EIF6: variants seen among roughly 807,000 people sequenced by gnomAD.
The protein encoded by EIF6 is eukaryotic translation initiation factor 6.
In EIF6, 10 loss-of-function variants were observed where a neutral mutation model predicts 25.5. The ratio of observed to expected loss-of-function variants is 0.39; its 90% CI spans 0.24 to 0.66. The LOEUF is 0.66. Ranked by LOEUF, EIF6 falls within the 30% of genes least tolerant of loss-of-function variation. The probability of loss-of-function intolerance (pLI) is 0.45; values close to 1 mark genes in which losing one functional copy is unlikely to be tolerated. For missense variants in EIF6, 246 were observed against 315.4 expected (o/e 0.78, Z 1.67); for synonymous variants, 122 against 122.6 (o/e 1.00, Z 0.03).
At chr20:35,281,391 A>C (rs1294281569) in intron 3 of EIF6, among the ~76,000 whole-genome samples, 7 of 151,562 alleles carry the variant, frequency 4.6e-5, no homozygotes, top group East Asian at 1.9e-4. Context: ...GTCTCCAAAA[A>C]AAAAAAACAA....
At chr20:35,284,286 G>A in intron 2 of EIF6, 25 bp from the exon 3 acceptor site, 2 of 1,613,850 alleles carry the variant, frequency 1.2e-6, no homozygotes, top group Non-Finnish European at 1.7e-6. Context: ...ACTCGGTGGT[G>A]GCGGGGCAGA....
chr20:35,282,598 G>T (rs992045349), intron 3 of EIF6, among the ~76,000 whole-genome samples: 9 of 151,294 alleles, frequency 5.9e-5, no homozygotes, highest in Non-Finnish European at 1.2e-4. Flanking sequence ...TGTTGTTGTT[G>T]TTTTTTGTTT....
Position 35,284,216 on chromosome 20 carries a change from C to G in EIF6, c.153G>C (p.Ala51=). 6.2e-7 allele frequency: 1 copy of G among 1,604,960 alleles called. No individual in the cohort carries two copies. Among genetic ancestry groups the G allele is most frequent in the Non-Finnish European group, 8.5e-7 (1 of 1,174,940 alleles). The change falls in exon 3 of 7, where the codon GCG becomes GCC. Residue 51 remains alanine (A), a synonymous_variant. Transcript: ENST00000374450. The part of the protein sequence containing the change: ...ELSDTIPVVH[A]SIAGCRIIGR... ...CGATGATGCGGCAGCCGGCGATAGA[C>G]GCGTGCACCACGGGGATGGTATCGG...
At chr20:35,281,219 T>C (rs1420550396) in intron 3 of EIF6, among the ~76,000 whole-genome samples, 1 of 151,878 alleles carries the variant, frequency 6.6e-6, no homozygotes, top group African/African-American at 2.4e-5. Context: ...ACCCCGTCTC[T>C]ACTAAAAATA....
chr20:35,280,729 C>T lies in EIF6; in HGVS notation c.294G>A (p.Glu98=). 1 of 1,613,990 alleles carries T rather than the reference C, an allele frequency of 6.2e-7. No individual in the cohort carries two copies. ...CATTGCCCAAGGCTGAGAGCCGCTC[C>T]TCCACCCGCCTAATCTGCACTGTGT... The part of the protein sequence containing the change: ...LPDTVQIRRV[E]ERLSALGNVT... Residue 98 remains glutamate, a synonymous_variant, in exon 4 of 7, where the codon GAG becomes GAA. Coordinates refer to ENST00000374450, the MANE Select transcript of EIF6 (RefSeq NM_002212.4).
chr20:35,283,433 A>C (rs2060793635), intron 3 of EIF6, among the ~76,000 whole-genome samples: 1 of 152,232 alleles, frequency 6.6e-6, no homozygotes, highest in Non-Finnish European at 1.5e-5. Flanking sequence ...ATCTTAGCTA[A>C]TCTTTACAGA....
At chr20:35,282,047 G>A (rs1311778805) in intron 3 of EIF6, among the ~76,000 whole-genome samples, 3 of 149,720 alleles carry the variant, frequency 2.0e-5, no homozygotes, top group Non-Finnish European at 4.4e-5. Context: ...GGAGTGCAGT[G>A]GCACAATCTC....
rs1802242 is a variant in EIF6 at position 35,279,147 on chromosome 20, G to A, written c.*50C>T. The A allele has an allele frequency of 1.9e-6, 3 of 1,612,836 alleles. No individual in the cohort carries two copies. The highest frequency in any genetic ancestry group is 2.2e-5 in the East Asian group (1 of 44,834). On this transcript the variant is annotated 3_prime_UTR_variant, in exon 7 of 7. Transcript: ENST00000374450. ...ACAGATTGGGCGGAATGTGGAGAAG[G>A]TTGGCCACAGTCCAGAGCCAGGAGC...
intron 3 of EIF6, among the ~76,000 whole-genome samples, chr20:35,283,635 AC>A: frequency 6.6e-6 from 1 of 152,212 alleles, no homozygotes; most frequent in East Asian, 1.9e-4. Flanking sequence ...CCGCGTCTCT[AC>A]CAAAAATGTA....
chr20:35,283,125 C>G (rs56372598), intron 3 of EIF6, among the ~76,000 whole-genome samples: 2 of 151,876 alleles, frequency 1.3e-5, no homozygotes, highest in Non-Finnish European at 1.5e-5. Flanking sequence ...AACTCCATCT[C>G]TACTAAAAAT....
rs765387182 is a variant in EIF6, at chr20:35,280,677, A to C, written c.346T>G (p.Leu116Val). Residue 116 changes from leucine (L) to valine (V), a missense_variant, in exon 4 of 7, where the codon TTG (leucine) becomes GTG (valine). Leu to Val is a conservative substitution (Grantham distance 32). Coordinates refer to ENST00000374450, the MANE Select transcript of EIF6 (RefSeq NM_002212.4). ...ACCCTGTCCAAGTCTGGGTGGACCAAGGCCACGTAGTCATTGCAGGTGGTG... is the reference window on the plus strand; with the variant it reads ...ACCCTGTCCAAGTCTGGGTGGACCACGGCCACGTAGTCATTGCAGGTGGTG... ...NVTTCNDYVA[L>V]VHPDLDRETE... is the part of the protein sequence containing the mutation. 3.1e-6 allele frequency: 5 copies of C among 1,613,512 alleles called. No homozygotes were observed. The highest frequency in any genetic ancestry group is 4.5e-5 in the East Asian group (2 of 44,904).
intron 3 of EIF6, 123 bp downstream of exon 3, chr20:35,284,053 A>G: frequency 7.9e-7 from 1 of 1,262,604 alleles, no homozygotes; most frequent in Non-Finnish European, 1.1e-6. Context: ...GAGAGATTCT[A>G]TAGTGCCCAG....
At position 35,284,275 on chromosome 20, in the gene EIF6, G is replaced by A. The variant is rs1433643388; in HGVS notation, c.108-14C>T. ...CCCTCGAACACACTGTAGGGACATG[G>A]ACTCGGTGGTGGCGGGGCAGAGGGG... On this transcript the variant is annotated splice_polypyrimidine_tract_variant and intron_variant, in intron 2 of 6. Transcript: ENST00000374450. 6 of 1,613,826 alleles carry A rather than the reference G, an allele frequency of 3.7e-6. No individual in the cohort carries two copies. Among genetic ancestry groups the A allele is most frequent in the Non-Finnish European group, 5.1e-6 (6 of 1,180,012 alleles).
intron 5 of EIF6, 26 bp from the exon 6 acceptor site, chr20:35,279,773 G>A: frequency 1.2e-6 from 2 of 1,612,068 alleles, no homozygotes; most frequent in African/African-American, 2.7e-5. Flanking sequence ...CTCAATGTGA[G>A]TCACGGCACC....
Position 35,279,700 on chromosome 20 carries a change from C to T in EIF6, c.594G>A (p.Val198=). 4 of 1,614,182 alleles carry T rather than the reference C, an allele frequency of 2.5e-6. No individual in the cohort carries two copies. The highest frequency in any genetic ancestry group is 3.4e-6 in the Non-Finnish European group (4 of 1,180,040). ...RGSEVIAAGM[V]VNDWCAFCGL... ...CACAGAAGGCACACCAGTCATTCAC[C>T]ACCATCCCAGCAGCAATCACCTCAC... is the stretch of plus-strand genomic sequence containing the variant. Residue 198 remains valine, a synonymous_variant, in exon 6 of 7, where the codon GTG becomes GTA. Coordinates refer to ENST00000374450, the MANE Select transcript of EIF6 (RefSeq NM_002212.4).
At position 35,284,194 on chromosome 20, in the gene EIF6, T is replaced by C. The variant is rs779961867; in HGVS notation, c.175A>G (p.Ile59Val). ...VHASIAGCRI[I>V]GRMCVGNRHG... is the part of the protein sequence containing the mutation. ...GCCTTACCCACACACATGCGCCCGA[T>C]GATGCGGCAGCCGGCGATAGACGCG... The change falls in exon 3 of 7, where the codon ATC (isoleucine) becomes GTC (valine). Residue 59 changes from isoleucine to valine, a missense_variant. Ile to Val is a conservative substitution (Grantham distance 29). Coordinates refer to ENST00000374450, the MANE Select transcript of EIF6 (RefSeq NM_002212.4). 11 of 1,597,230 alleles carry C rather than the reference T, an allele frequency of 6.9e-6. No individual in the cohort carries two copies. The African/African-American group carries it at 1.3e-4, about 19-fold the overall frequency.
rs1461633407 is a variant in EIF6 at position 35,279,113 on chromosome 20, G to C, written c.*84C>G. 1 of 1,579,642 alleles carries C rather than the reference G, an allele frequency of 6.3e-7. No individual in the cohort carries two copies. ...TGAGCTCTCTGCCACCTCCCTGCCAGCATCCGGTACAGATTGGGCGGAATG... is the reference window on the plus strand; with the variant it reads ...TGAGCTCTCTGCCACCTCCCTGCCACCATCCGGTACAGATTGGGCGGAATG... On this transcript the variant is annotated 3_prime_UTR_variant, in exon 7 of 7. Coordinates refer to ENST00000374450, the MANE Select transcript of EIF6 (RefSeq NM_002212.4).
intron 3 of EIF6, among the ~76,000 whole-genome samples, chr20:35,283,852 T>C (rs1209069704): frequency 6.6e-6 from 1 of 151,794 alleles, no homozygotes; most frequent in East Asian, 1.9e-4. Flanking sequence ...GAACTAGGTG[T>C]GGAACTTACT....
At chr20:35,281,293 G>A (rs2060772921) in intron 3 of EIF6, among the ~76,000 whole-genome samples, 1 of 151,726 alleles carries the variant, frequency 6.6e-6, no homozygotes, top group South Asian at 2.1e-4. Context: ...GGCTGAGGCA[G>A]GAGAATGGCG....
Sources: allele counts gnomAD v4.1 joint callset (sites outside exome capture counted in the v4.1 genomes callset), GRCh38; gene constraint gnomAD v4.1.1; transcripts MANE v1.5; gene names NCBI Gene and HGNC (gene_info 2026-07-23, HGNC 2026-07-21).